SCFD2: variants seen among roughly 807,000 people sequenced by gnomAD.
SCFD2 encodes the protein sec1 family domain-containing protein 2.
In SCFD2, 54 loss-of-function variants were observed where a neutral mutation model predicts 58.9. That is an observed-to-expected ratio of 0.92 (90% CI 0.74 to 1.15). The LOEUF (loss-of-function observed/expected upper bound fraction) is 1.15. Ranked by LOEUF, SCFD2 falls within the 50% of genes most tolerant of loss-of-function variation. The pLI is 0.00. For missense variants in SCFD2, 805 were observed against 836.6 expected (o/e 0.96, Z 0.47); for synonymous variants, 321 against 335.9 (o/e 0.96, Z 0.49).
intron 5 of SCFD2, among the ~76,000 whole-genome samples, chr4:53,020,720 G>A (rs112095697): frequency 0.029 from 4,450 of 152,132 alleles, 84 homozygotes; most frequent in African/African-American, 0.055. Context: ...ACTGACCGAG[G>A]GTACAAATGA....
chr4:53,291,285 C>A (rs1330133101), intron 3 of SCFD2, among the ~76,000 whole-genome samples: 2 of 151,630 alleles, frequency 1.3e-5, no homozygotes, highest in Non-Finnish European at 3.0e-5. Context: ...GTAAGGCTAC[C>A]TTAACATATG....
At chr4:53,304,118 A>G (rs542632664) in intron 3 of SCFD2, among the ~76,000 whole-genome samples, 7 of 151,334 alleles carry the variant, frequency 4.6e-5, no homozygotes, top group African/African-American at 1.5e-4. Context: ...AAAAAAGAAA[A>G]GAAAATTCTT....
At chr4:53,036,951 G>A (rs986270088) in intron 5 of SCFD2, among the ~76,000 whole-genome samples, 5 of 152,130 alleles carry the variant, frequency 3.3e-5, no homozygotes, top group African/African-American at 7.2e-5. Context: ...CTGGTTTGGG[G>A]GGAAAGGGTT....
At chr4:52,899,263 G>A (rs1719114232) in intron 7 of SCFD2, among the ~76,000 whole-genome samples, 1 of 152,132 alleles carries the variant, frequency 6.6e-6, no homozygotes, top group South Asian at 2.1e-4. Flanking sequence ...TTTACAATTT[G>A]GCATGTTTTT....
chr4:53,255,708 G>A (rs943089324), intron 4 of SCFD2, among the ~76,000 whole-genome samples: 48 of 152,270 alleles, frequency 3.2e-4, no homozygotes, highest in African/African-American at 1.1e-3. Flanking sequence ...ATCATGGCCC[G>A]TTCTCAATGA....
At chr4:52,989,333 C>G (rs1192862443) in intron 5 of SCFD2, among the ~76,000 whole-genome samples, 1 of 152,184 alleles carries the variant, frequency 6.6e-6, no homozygotes, top group Non-Finnish European at 1.5e-5. Context: ...CAACATGCCA[C>G]TATGGATAAA....
At chr4:53,203,958 A>G (rs1404198578) in intron 4 of SCFD2, among the ~76,000 whole-genome samples, 1 of 152,168 alleles carries the variant, frequency 6.6e-6, no homozygotes, top group African/African-American at 2.4e-5. Context: ...AATGTACACC[A>G]AAAGCTGATT....
chr4:53,113,260 T>C (rs1341211847), intron 5 of SCFD2, among the ~76,000 whole-genome samples: 1 of 152,080 alleles, frequency 6.6e-6, no homozygotes, highest in Non-Finnish European at 1.5e-5. Context: ...GCACTTTTCC[T>C]AGCCCCTGTA....
At chr4:52,876,194 T>C (rs1043304934) in intron 8 of SCFD2, among the ~76,000 whole-genome samples, 1 of 151,962 alleles carries the variant, frequency 6.6e-6, no homozygotes, top group African/African-American at 2.4e-5. Context: ...ACCTCATCTC[T>C]CTCAGAAGGA....
intron 4 of SCFD2, among the ~76,000 whole-genome samples, chr4:53,185,780 T>C (rs1322057040): frequency 6.6e-6 from 1 of 152,066 alleles, no homozygotes; most frequent in African/African-American, 2.4e-5. Flanking sequence ...GGTTAATTAG[T>C]AGCCAATGAA....
chr4:53,323,327 G>A (rs983545901), intron 2 of SCFD2, among the ~76,000 whole-genome samples: 6 of 152,140 alleles, frequency 3.9e-5, no homozygotes, highest in Non-Finnish European at 5.9e-5. Context: ...ACAGAACAGT[G>A]TTGAAGTGTT....
intron 5 of SCFD2, among the ~76,000 whole-genome samples, chr4:52,970,269 C>T (rs911553155): frequency 1.1e-4 from 17 of 152,192 alleles, no homozygotes; most frequent in African/African-American, 3.9e-4. Context: ...CTTTCCTAGT[C>T]AAAGAAAGGG....
At chr4:53,023,065 A>G (rs1452175517) in intron 5 of SCFD2, among the ~76,000 whole-genome samples, 1 of 152,188 alleles carries the variant, frequency 6.6e-6, no homozygotes, top group Non-Finnish European at 1.5e-5. Context: ...GGTGATCATG[A>G]GTTGTTGTTA....
intron 5 of SCFD2, among the ~76,000 whole-genome samples, chr4:53,100,755 G>T (rs1057028886): frequency 3.9e-5 from 6 of 152,110 alleles, no homozygotes; most frequent in Non-Finnish European, 8.8e-5. Flanking sequence ...GCATTATTCT[G>T]GGTCCCAAAA....
chr4:53,189,845 T>TCAC (rs1259868353), intron 4 of SCFD2, among the ~76,000 whole-genome samples: 3 of 152,204 alleles, frequency 2.0e-5, no homozygotes, highest in Non-Finnish European at 4.4e-5. Flanking sequence ...CACCAGAATA[T>TCAC]TGGCTACATC....
chr4:53,084,667 G>A (rs527313515), intron 5 of SCFD2, among the ~76,000 whole-genome samples: 184 of 152,146 alleles, frequency 1.2e-3, no homozygotes, highest in African/African-American at 4.2e-3. Context: ...CCCTCCGTTC[G>A]GGGTCCCTGA....
At chr4:53,299,158 C>A (rs183889526) in intron 3 of SCFD2, among the ~76,000 whole-genome samples, 1 of 151,884 alleles carries the variant, frequency 6.6e-6, no homozygotes, top group African/African-American at 2.4e-5. Flanking sequence ...AGCTAAAGGA[C>A]GAAGTTCGAA....
At chr4:52,979,067 G>A (rs60439091) in intron 5 of SCFD2, among the ~76,000 whole-genome samples, 22 of 150,410 alleles carry the variant, frequency 1.5e-4, no homozygotes, top group Non-Finnish European at 3.0e-4. Flanking sequence ...CCTTTTTTTG[G>A]GGGGGGGAGT....
intron 4 of SCFD2, among the ~76,000 whole-genome samples, chr4:53,147,897 C>A (rs1225935819): frequency 1.3e-5 from 2 of 152,158 alleles, no homozygotes; most frequent in Non-Finnish European, 1.5e-5. Flanking sequence ...ATGGGTTGGG[C>A]AAACTTGCTC....
Sources: allele counts gnomAD v4.1 joint callset (sites outside exome capture counted in the v4.1 genomes callset), GRCh38; gene constraint gnomAD v4.1.1; transcripts MANE v1.5; gene names NCBI Gene and HGNC (gene_info 2026-07-23, HGNC 2026-07-21).